The following HBS1L variants were observed in gnomAD, a reference collection of about 807,000 sequenced individuals.
HBS1L encodes the protein HBS1-like protein.
HBS1L carries 55 observed loss-of-function variants against 88.9 expected under a neutral mutation model. That is an observed-to-expected ratio of 0.62 (90% CI 0.50 to 0.77). HBS1L has a LOEUF of 0.77. Among genes scored for constraint, HBS1L ranks in the 30% least tolerant of loss-of-function variants. The pLI is 0.00. For synonymous variants in HBS1L, 267 were observed against 288.5 expected, an observed-to-expected ratio of 0.93 and a Z score of 0.76; for missense variants, 741 against 829.3, an observed-to-expected ratio of 0.89 and a Z score of 1.31.
intron 2 of HBS1L, among the ~76,000 whole-genome samples, chr6:135,042,829 A>C (rs965259233): frequency 1.6e-4 from 7 of 44,278 alleles, no homozygotes; most frequent in African/African-American, 3.7e-4. Context: ...AAAAAAACAA[A>C]AAAAAAAAAC....
At chr6:135,032,328 A>AAT (rs1776411934) in intron 4 of HBS1L, among the ~76,000 whole-genome samples, 1 of 151,020 alleles carries the variant, frequency 6.6e-6, no homozygotes, top group Admixed American at 6.5e-5. Flanking sequence ...GCTTTTACAA[A>AAT]ATATATATAT....
At chr6:134,987,388 C>T (rs1203105741) in intron 9 of HBS1L, among the ~76,000 whole-genome samples, 1 of 151,488 alleles carries the variant, frequency 6.6e-6, no homozygotes, top group Non-Finnish European at 1.5e-5. Context: ...GCTTTCATTC[C>T]ACTATAATAA....
intron 8 of HBS1L, among the ~76,000 whole-genome samples, chr6:134,990,175 A>T (rs1222001198): frequency 2.6e-5 from 4 of 152,132 alleles, no homozygotes; most frequent in Non-Finnish European, 5.9e-5. Flanking sequence ...TCCTATTACT[A>T]TCTCCAAAAA....
chr6:135,001,469 T>C (rs1485864393), intron 5 of HBS1L, among the ~76,000 whole-genome samples: 1 of 150,208 alleles, frequency 6.7e-6, no homozygotes, highest in Non-Finnish European at 1.5e-5. Context: ...TTGTGTATTC[T>C]ATTTATTTCC....
intron 3 of HBS1L, among the ~76,000 whole-genome samples, 154 bp from the exon 4 acceptor site, chr6:135,039,921 C>T (rs1188004864): frequency 1.3e-5 from 2 of 152,194 alleles, no homozygotes; most frequent in Non-Finnish European, 2.9e-5. Context: ...GTATTTTTAT[C>T]TACAATATAC....
rs1774247867 is a variant in HBS1L at position 134,964,183 on chromosome 6, C to T, written c.*1096G>A. On this transcript the variant is annotated 3_prime_UTR_variant, in exon 18 of 18. Transcript: ENST00000367837. ...AGCCATCGATATACAAATCACGCTG[C>T]TAATAAAAAAAAAAGCTTATCATAA... is the stretch of plus-strand genomic sequence containing the variant. 6.6e-6 allele frequency: 1 copy of T among 150,964 alleles called. No individual in the cohort carries two copies. Among genetic ancestry groups the T allele is most frequent in the Admixed American group, 6.6e-5 (1 of 15,186 alleles). 9.4% of individuals were successfully genotyped at this position (150,964 alleles called of 1,614,324 possible).
chr6:135,036,817 G>A, intron 4 of HBS1L: 2 of 1,551,774 alleles, frequency 1.3e-6, no homozygotes, highest in Non-Finnish European at 1.7e-6. Context: ...GAGAGAAAAA[G>A]GTGGTTTCCT....
intron 15 of HBS1L, among the ~76,000 whole-genome samples, chr6:134,975,928 A>C (rs1247206383): frequency 2.0e-5 from 3 of 152,192 alleles, no homozygotes; most frequent in Non-Finnish European, 4.4e-5. Context: ...ATTAAGCTAA[A>C]GAGCTAGTGC....
intron 8 of HBS1L, among the ~76,000 whole-genome samples, chr6:134,989,567 A>C (rs1364360672): frequency 6.6e-6 from 1 of 152,222 alleles, no homozygotes; most frequent in Non-Finnish European, 1.5e-5. Flanking sequence ...AATCCTCACC[A>C]TAATGGAAAA....
chr6:135,046,641 T>A (rs1776922797), intron 2 of HBS1L, among the ~76,000 whole-genome samples: 1 of 152,162 alleles, frequency 6.6e-6, no homozygotes, highest in South Asian at 2.1e-4. Context: ...GGAGGATCAC[T>A]GGAGCTCAGG....
chr6:135,025,924 G>A (rs543497276), intron 4 of HBS1L, among the ~76,000 whole-genome samples: 1 of 152,300 alleles, frequency 6.6e-6, no homozygotes, highest in African/African-American at 2.4e-5. Context: ...GAGAAGAACA[G>A]AGGGAGAGTG....
At chr6:134,965,786 C>G (rs561086459) in intron 17 of HBS1L, among the ~76,000 whole-genome samples, 1 of 152,146 alleles carries the variant, frequency 6.6e-6, no homozygotes, top group Non-Finnish European at 1.5e-5. Flanking sequence ...CACCGCCTTC[C>G]ATATGTATTT....
At chr6:134,986,994 T>G (rs1043161190) in intron 9 of HBS1L, among the ~76,000 whole-genome samples, 184 bp from the exon 10 acceptor site, 1 of 152,114 alleles carries the variant, frequency 6.6e-6, no homozygotes, top group African/African-American at 2.4e-5. Context: ...CTCAAAATGC[T>G]CAAAGGCATT....
chr6:134,990,556 C>A (rs1216658825), intron 8 of HBS1L, among the ~76,000 whole-genome samples: 1 of 152,148 alleles, frequency 6.6e-6, no homozygotes, highest in East Asian at 1.9e-4. Flanking sequence ...CACCATAATT[C>A]CATAAAGAGT....
Position 135,039,617 on chromosome 6 carries a change from T to C in HBS1L, c.386A>G (p.Lys129Arg). ...VLEQDRVQSL[K>R]DKNEATVSTG... ...AGATACTGTTGCCTCATTCTTGTCC[T>C]TCAAACTCTGCACTCTATCTTGTTC... is the stretch of plus-strand genomic sequence containing the variant. Residue 129 changes from lysine to arginine, a missense_variant, in exon 4 of 18, where the codon AAG (lysine) becomes AGG (arginine). Lys to Arg is a conservative substitution (Grantham distance 26). Around this residue, in one of 3 missense-constraint regions of HBS1L, gnomAD observed 556 missense variants for 598.4 expected, o/e 0.93. Coordinates refer to ENST00000367837, the MANE Select transcript of HBS1L (RefSeq NM_006620.4). 1 of 1,614,178 alleles carries C rather than the reference T, an allele frequency of 6.2e-7. No homozygotes were observed.
chr6:135,040,513 G>A (rs924071150), intron 3 of HBS1L, among the ~76,000 whole-genome samples: 15 of 151,804 alleles, frequency 9.9e-5, no homozygotes, highest in African/African-American at 2.4e-4. Context: ...CACCATGCCC[G>A]GCTGATTTTT....
In HBS1L at chr6:134,987,561, A is replaced by G; in HGVS notation, c.1230+84T>C. 3 of 941,186 alleles carry G rather than the reference A, an allele frequency of 3.2e-6. No homozygotes were observed. In the South Asian group the frequency reaches 1.0e-4, roughly 33 times the overall value. 58.3% of individuals were successfully genotyped at this position (941,186 alleles called of 1,614,324 possible). Reference sequence around the variant, plus strand: ...ATGGCAACCGACTAATAAAATGTACACTAGTCACATCTAAGTCATCTATAC... The same window carrying G: ...ATGGCAACCGACTAATAAAATGTACGCTAGTCACATCTAAGTCATCTATAC... On this transcript the variant is annotated intron_variant, in intron 9 of 17. Coordinates refer to ENST00000367837, the MANE Select transcript of HBS1L (RefSeq NM_006620.4).
intron 4 of HBS1L, among the ~76,000 whole-genome samples, chr6:135,004,579 A>G (rs9389251): frequency 0.47 from 70,793 of 151,740 alleles, 16,837 homozygotes; most frequent in South Asian, 0.56. Flanking sequence ...CCTTTAGGTC[A>G]TACCAAAGAT....
In HBS1L at chr6:134,971,117, AGGGCAC is replaced by A. The variant is rs1204320023; in HGVS notation, c.1798-1785_1798-1780del. Among the ~76,000 whole-genome samples, 5 of 150,994 alleles carry A rather than the reference AGGGCAC, an allele frequency of 3.3e-5. No individual in the cohort carries two copies. The East Asian group carries it at 5.8e-4, about 18-fold the overall frequency. On this transcript the variant is annotated intron_variant, in intron 15 of 17. Transcript: ENST00000367837. ...AACTCATTCAATTAAAAAAAAAAAA[AGGGCAC>A]AGCTGGGCCTGCATTACTCCAAAAA...
Sources: allele counts gnomAD v4.1 joint callset (sites outside exome capture counted in the v4.1 genomes callset), GRCh38; gene constraint gnomAD v4.1.1; regional missense constraint gnomAD v4.1.1; transcripts MANE v1.5; gene names NCBI Gene and HGNC (gene_info 2026-07-23, HGNC 2026-07-21).